The following CLMN variants were observed in gnomAD, a reference collection of about 807,000 sequenced individuals.
The protein encoded by CLMN is calmin, also known as calmin (calponin-like, transmembrane).
In CLMN, 57 loss-of-function variants were observed where a neutral mutation model predicts 92.7. The observed-to-expected ratio is 0.61, with a 90% CI of 0.50 to 0.77. The LOEUF (loss-of-function observed/expected upper bound fraction) is 0.77. Ranked by LOEUF, CLMN falls within the 30% of genes least tolerant of loss-of-function variation. CLMN has a pLI of 0.00. For synonymous variants in CLMN, 466 were observed against 470.6 expected (o/e 0.99, Z 0.13); for missense variants, 1,158 against 1,237.5 (o/e 0.94, Z 0.96).
At chr14:95,236,074 G>A (rs1036440467) in intron 1 of CLMN, among the ~76,000 whole-genome samples, 2 of 152,082 alleles carry the variant, frequency 1.3e-5, no homozygotes, top group African/African-American at 2.4e-5. Context: ...GACAGCAGCC[G>A]CCACTTCCCA....
At chr14:95,307,190 G>A (rs139386409) in intron 1 of CLMN, among the ~76,000 whole-genome samples, 1 of 152,306 alleles carries the variant, frequency 6.6e-6, no homozygotes, top group Admixed American at 6.5e-5. Flanking sequence ...CCCACAGCCA[G>A]TCAATACTAA....
chr14:95,293,861 G>C (rs191320633), intron 1 of CLMN, among the ~76,000 whole-genome samples: 1 of 152,302 alleles, frequency 6.6e-6, no homozygotes, highest in African/African-American at 2.4e-5. Flanking sequence ...GTCTGGTGTT[G>C]TTCTACGTGG....
chr14:95,261,047 C>T (rs1407762213), intron 1 of CLMN, among the ~76,000 whole-genome samples: 1 of 151,988 alleles, frequency 6.6e-6, no homozygotes, highest in Non-Finnish European at 1.5e-5. Context: ...AACTCATGGC[C>T]AACAGCGCTG....
chr14:95,239,899 A>G (rs1305936122), intron 1 of CLMN, among the ~76,000 whole-genome samples: 1 of 152,244 alleles, frequency 6.6e-6, no homozygotes, highest in Non-Finnish European at 1.5e-5. Context: ...ATGGGATTAT[A>G]ATGGAGCTGT....
intron 1 of CLMN, among the ~76,000 whole-genome samples, chr14:95,265,804 T>C (rs1320597200): frequency 2.0e-5 from 3 of 152,208 alleles, no homozygotes; most frequent in Non-Finnish European, 4.4e-5. Context: ...CTAGTGACAT[T>C]CTCCAGCCTT....
intron 1 of CLMN, among the ~76,000 whole-genome samples, chr14:95,285,047 A>G (rs1339602270): frequency 1.3e-5 from 2 of 152,164 alleles, no homozygotes; most frequent in African/African-American, 4.8e-5. Context: ...CATGGGGGCC[A>G]GTCTTTCTCA....
rs1354976397 is a variant in CLMN, at chr14:95,189,480, TCA to T, written c.*2082_*2083del. On this transcript the variant is annotated 3_prime_UTR_variant, in exon 13 of 13. Transcript: ENST00000298912. Reference sequence around the variant, plus strand: ...AGATTTTTTTTTCCTTTGCAAAATATCAGTTGACTGCCAACCTGAACCAAATG... The same window carrying T: ...AGATTTTTTTTTCCTTTGCAAAATATGTTGACTGCCAACCTGAACCAAATG... The T allele has an allele frequency of 6.6e-6, 1 of 152,174 alleles. No individual in the cohort carries two copies. The highest frequency in any genetic ancestry group is 1.5e-5 in the Non-Finnish European group (1 of 68,040). The allele number at this position is 152,174 out of a possible 1,614,324, so 9.4% of individuals were successfully genotyped here. A position where few individuals can be genotyped will look rare whatever the true frequency, so the allele number is the denominator to read the frequency against.
chr14:95,194,084 T>G lies in CLMN; in HGVS notation c.2770-165A>C. 5 of 1,433,708 alleles carry G rather than the reference T, an allele frequency of 3.5e-6. No homozygotes were observed. The highest frequency in any genetic ancestry group is 2.7e-6 in the Non-Finnish European group (3 of 1,099,834). The allele number at this position is 1,433,708 out of a possible 1,614,324, so 88.8% of individuals were successfully genotyped here. On this transcript the variant is annotated intron_variant, in intron 11 of 12. Transcript: ENST00000298912. This position sits in a 1 kb window ranked among gnomAD's most constrained non-coding sequence, Gnocchi z 4.0. ...AAATCAAAGTGCTAAACAATATACA[T>G]TCCTCTACCTCCTCCCCTAAGCCCC...
At chr14:95,300,505 T>C (rs112821185) in intron 1 of CLMN, among the ~76,000 whole-genome samples, 128 of 152,316 alleles carry the variant, frequency 8.4e-4, no homozygotes, top group African/African-American at 3.0e-3. Context: ...CTCTGTGTAT[T>C]CGGTACTCCA....
chr14:95,209,898 C>G (rs560371329), intron 7 of CLMN, among the ~76,000 whole-genome samples: 1 of 152,196 alleles, frequency 6.6e-6, no homozygotes, highest in African/African-American at 2.4e-5. Context: ...GGGCTCTCCC[C>G]CTCTGTCATT....
intron 1 of CLMN, among the ~76,000 whole-genome samples, chr14:95,279,732 A>G (rs1457536760): frequency 6.6e-6 from 1 of 152,210 alleles, no homozygotes; most frequent in East Asian, 1.9e-4. Context: ...GCAGTGAGCC[A>G]AGATCATGCC....
At chr14:95,313,397 GC>G (rs1901625131) in intron 1 of CLMN, among the ~76,000 whole-genome samples, 1 of 152,186 alleles carries the variant, frequency 6.6e-6, no homozygotes, top group African/African-American at 2.4e-5. Flanking sequence ...TGCAAAAGCA[GC>G]TATAGGCAAT....
At chr14:95,229,714 A>C (rs920847569) in intron 2 of CLMN, among the ~76,000 whole-genome samples, 6 of 152,116 alleles carry the variant, frequency 3.9e-5, no homozygotes, top group African/African-American at 1.4e-4. Context: ...AATACCTACA[A>C]ATGGCTCTTG....
At chr14:95,209,579 G>GT in intron 7 of CLMN, 102 bp from the exon 8 acceptor site, 1 of 938,158 alleles carries the variant, frequency 1.1e-6, no homozygotes, top group Non-Finnish European at 1.7e-6. Flanking sequence ...ATTATTGAAG[G>GT]TTTTTTCTCT....
At chr14:95,258,236 C>G (rs547073055) in intron 1 of CLMN, among the ~76,000 whole-genome samples, 1 of 147,392 alleles carries the variant, frequency 6.8e-6, no homozygotes, top group East Asian at 2.0e-4. Context: ...ATGGTGTGTA[C>G]ATATGTATGA....
At chr14:95,287,061 C>G (rs933563620) in intron 1 of CLMN, among the ~76,000 whole-genome samples, 3 of 152,218 alleles carry the variant, frequency 2.0e-5, no homozygotes, top group African/African-American at 4.8e-5. Flanking sequence ...CTGTCACCTT[C>G]ACTAGAATCC....
At chr14:95,288,849 CA>C (rs1056886635) in intron 1 of CLMN, among the ~76,000 whole-genome samples, 1 of 152,190 alleles carries the variant, frequency 6.6e-6, no homozygotes, top group African/African-American at 2.4e-5. Context: ...TACAGTCGCA[CA>C]AAGGAATACT....
intron 1 of CLMN, among the ~76,000 whole-genome samples, chr14:95,245,330 A>AATGTT (rs111375855): frequency 0.22 from 27,189 of 121,008 alleles, 4,396 homozygotes; most frequent in African/African-American, 0.43. Flanking sequence ...AGCTACCTCA[A>AATGTT]ATGTCCAAGA....
intron 1 of CLMN, among the ~76,000 whole-genome samples, chr14:95,253,759 C>A (rs971115390): frequency 7.9e-5 from 12 of 152,084 alleles, no homozygotes; most frequent in African/African-American, 1.7e-4. Flanking sequence ...ACTACAGGTG[C>A]CCGCCACCAC....
Sources: gnomAD v4.1 joint callset for allele counts (sites outside exome capture counted in the v4.1 genomes callset) on GRCh38, gnomAD v4.1.1 for gene constraint, Gnocchi (gnomAD v3.1) non-coding constraint, MANE v1.5 for transcripts, NCBI Gene and HGNC (gene_info 2026-07-23, HGNC 2026-07-21) for gene names.